The following AP3S1 variants were observed in gnomAD, a reference collection of about 807,000 sequenced individuals.
AP3S1 encodes adaptor related protein complex 3 subunit sigma 1, also known as AP-3 complex subunit sigma-1.
AP3S1 carries 12 observed loss-of-function variants against 21.3 expected under a neutral mutation model. The observed-to-expected ratio is 0.56, with a 90% CI of 0.36 to 0.91. The LOEUF is 0.91. Ranked by LOEUF, AP3S1 falls within the 40% of genes least tolerant of loss-of-function variation. The pLI, the probability that AP3S1 is intolerant of heterozygous loss-of-function variation, is 0.01. For missense variants in AP3S1, 116 were observed against 225.0 expected, an observed-to-expected ratio of 0.52 and a Z score of 3.10; for synonymous variants, 48 against 78.4, an observed-to-expected ratio of 0.61 and a Z score of 2.05.
chr5:115,892,835 A>C (rs1306909951), intron 3 of AP3S1, among the ~76,000 whole-genome samples: 1 of 152,236 alleles, frequency 6.6e-6, no homozygotes, highest in Admixed American at 6.5e-5. Context: ...TTTGTAACAC[A>C]AAGGATAAAT....
intron 5 of AP3S1, chr5:115,912,082 T>C (rs551542838): frequency 2.6e-5 from 4 of 152,164 alleles, no homozygotes; most frequent in East Asian, 1.9e-4. Flanking sequence ...TTGTATCCTT[T>C]ATTTAGCAAA....
At chr5:115,906,389 A>G (rs978674335) in intron 5 of AP3S1, among the ~76,000 whole-genome samples, 9 of 152,190 alleles carry the variant, frequency 5.9e-5, no homozygotes, top group Non-Finnish European at 7.4e-5. Context: ...TAAAGTTAGT[A>G]CATTTCTGGT....
intron 1 of AP3S1, among the ~76,000 whole-genome samples, chr5:115,865,927 TA>T (rs1169763581): frequency 6.6e-6 from 1 of 152,178 alleles, no homozygotes; most frequent in Non-Finnish European, 1.5e-5. Flanking sequence ...GCCTCCCGAG[TA>T]GCTGGGATTA....
chr5:115,870,166 G>A (rs1397799219), intron 3 of AP3S1, 38 bp downstream of exon 3: 1 of 1,276,408 alleles, frequency 7.8e-7, no homozygotes, highest in Non-Finnish European at 1.1e-6. Context: ...TTAAATAACA[G>A]TTTGACATTT....
chr5:115,863,692 G>C (rs970706156), intron 1 of AP3S1, among the ~76,000 whole-genome samples: 1 of 152,222 alleles, frequency 6.6e-6, no homozygotes, highest in African/African-American at 2.4e-5. Flanking sequence ...CAGCTCTTAT[G>C]TGGGCACAGG....
chr5:115,847,826 T>C (rs1022617077), intron 1 of AP3S1, among the ~76,000 whole-genome samples: 10 of 152,220 alleles, frequency 6.6e-5, no homozygotes, highest in Non-Finnish European at 1.5e-5. Flanking sequence ...TCTGAGGTTG[T>C]TAATATCAGG....
chr5:115,893,150 A>G (rs1750460556), intron 3 of AP3S1, among the ~76,000 whole-genome samples: 1 of 152,180 alleles, frequency 6.6e-6, no homozygotes, highest in East Asian at 1.9e-4. Context: ...TTTACTCAAT[A>G]TCGTAATCCT....
chr5:115,858,024 TTAAA>T (rs779835558), intron 1 of AP3S1, among the ~76,000 whole-genome samples: 1 of 152,242 alleles, frequency 6.6e-6, no homozygotes, highest in Non-Finnish European at 1.5e-5. Context: ...TTTTAGGTTC[TTAAA>T]TAAATCTCTT....
intron 4 of AP3S1, among the ~76,000 whole-genome samples, chr5:115,896,824 A>G (rs533277340): frequency 2.6e-5 from 4 of 152,318 alleles, no homozygotes; most frequent in African/African-American, 9.6e-5. Flanking sequence ...TAAAATTTTT[A>G]GAAAGCTGTG....
At chr5:115,842,173 G>A (rs1395499569) in intron 1 of AP3S1, 67 bp downstream of exon 1, 38 of 1,510,916 alleles carry the variant, frequency 2.5e-5, no homozygotes, top group Non-Finnish European at 2.8e-5. Flanking sequence ...GCCCAGCGCG[G>A]CTTTCTCAGA....
intron 1 of AP3S1, among the ~76,000 whole-genome samples, chr5:115,850,463 G>A (rs1447430656): frequency 1.3e-5 from 2 of 152,118 alleles, no homozygotes; most frequent in Non-Finnish European, 2.9e-5. Context: ...CCATCCATCT[G>A]TAGAACTTAG....
chr5:115,872,201 G>A (rs961762587), intron 3 of AP3S1, among the ~76,000 whole-genome samples: 3 of 152,002 alleles, frequency 2.0e-5, no homozygotes, highest in Admixed American at 6.6e-5. Context: ...AGGCTGAGGC[G>A]GGAGCCAGGG....
intron 4 of AP3S1, among the ~76,000 whole-genome samples, chr5:115,896,999 C>G (rs1331922668): frequency 6.6e-6 from 1 of 152,060 alleles, no homozygotes; most frequent in Non-Finnish European, 1.5e-5. Flanking sequence ...TTAAGCTGTA[C>G]TCATCTGCAA....
At chr5:115,898,366 T>A (rs1561520955) in intron 4 of AP3S1, among the ~76,000 whole-genome samples, 1 of 152,192 alleles carries the variant, frequency 6.6e-6, no homozygotes, top group African/African-American at 2.4e-5. Context: ...TTTTTATAAA[T>A]CTTTACATGC....
At chr5:115,877,770 C>T (rs906224513) in intron 3 of AP3S1, among the ~76,000 whole-genome samples, 2 of 152,204 alleles carry the variant, frequency 1.3e-5, no homozygotes, top group South Asian at 2.1e-4. Flanking sequence ...CTTGAGGAAT[C>T]ACCACACTGT....
intron 5 of AP3S1, 173 bp downstream of exon 5, chr5:115,903,165 G>A (rs1432710069): frequency 6.3e-6 from 3 of 473,812 alleles, no homozygotes; most frequent in South Asian, 4.7e-5. Context: ...TTCTGTGACT[G>A]TTCTCTACCC....
intron 1 of AP3S1, among the ~76,000 whole-genome samples, chr5:115,856,620 A>G (rs1164241883): frequency 2.0e-5 from 3 of 147,620 alleles, no homozygotes; most frequent in Non-Finnish European, 3.0e-5. Context: ...GCCCACCACC[A>G]TGCTCAACTA....
At chr5:115,909,390 G>A (rs1337894864) in intron 5 of AP3S1, among the ~76,000 whole-genome samples, 1 of 152,192 alleles carries the variant, frequency 6.6e-6, no homozygotes, top group African/African-American at 2.4e-5. Flanking sequence ...GAGTATGTCT[G>A]TATAAGTCTT....
chr5:115,846,176 A>AT (rs1305076361), intron 1 of AP3S1, among the ~76,000 whole-genome samples: 2 of 152,008 alleles, frequency 1.3e-5, no homozygotes, highest in African/African-American at 4.8e-5. Flanking sequence ...CTTTTAAAAA[A>AT]TTTTTCTTTT....
Sources: gnomAD v4.1 joint callset for allele counts (sites outside exome capture counted in the v4.1 genomes callset) on GRCh38, gnomAD v4.1.1 for gene constraint, MANE v1.5 for transcripts, NCBI Gene and HGNC (gene_info 2026-07-23, HGNC 2026-07-21) for gene names.